The following SARM1 variants were observed in gnomAD, a reference collection of about 807,000 sequenced individuals.
SARM1 encodes the protein sterile alpha and TIR motif containing 1.
SARM1 carries 60 observed loss-of-function variants against 65.1 expected under a neutral mutation model. The observed-to-expected ratio is 0.92, with a 90% confidence interval of 0.75 to 1.14. The LOEUF is 1.14. Ranked by LOEUF, SARM1 falls within the 50% of genes most tolerant of loss-of-function variation. The probability of loss-of-function intolerance (pLI) is 0.00; values close to 1 mark genes in which losing one functional copy is unlikely to be tolerated. For missense variants in SARM1, 913 were observed against 1,015.7 expected, an observed-to-expected ratio of 0.90 and a Z score of 1.37; for synonymous variants, 417 against 465.4, an observed-to-expected ratio of 0.90 and a Z score of 1.34.
intron 5 of SARM1, among the ~76,000 whole-genome samples, chr17:28,387,837 G>C (rs1253228666): frequency 6.6e-6 from 1 of 152,196 alleles, no homozygotes; most frequent in Non-Finnish European, 1.5e-5. Context: ...GTGGGAAATA[G>C]GGAAGAAGGA....
chr17:28,380,681 C>G (rs1555585091), intron 1 of SARM1, among the ~76,000 whole-genome samples: 1 of 152,072 alleles, frequency 6.6e-6, no homozygotes, highest in African/African-American at 2.4e-5. Flanking sequence ...GAGTGGTGTG[C>G]TTCAAGTGAC....
chr17:28,380,052 C>CTT (rs1259475428), intron 1 of SARM1, among the ~76,000 whole-genome samples: 3 of 65,208 alleles, frequency 4.6e-5, no homozygotes, highest in African/African-American at 1.2e-4. Flanking sequence ...TGATTTTTTT[C>CTT]TTTTCTTTTT....
Position 28,400,974 on chromosome 17 carries a change from A to G in SARM1, c.*4688A>G. On this transcript the variant is annotated 3_prime_UTR_variant, in exon 9 of 9. Transcript: ENST00000585482. The stretch of plus-strand genomic sequence containing the variant: ...GCTGGCACAGAGGGGCTACTAAACA[A>G]ATGGCTGCTATTAAATCCACATTAA... The G allele has an allele frequency of 1.7e-6, 1 of 587,028 alleles. No homozygotes were observed. Among genetic ancestry groups the G allele is most frequent in the Non-Finnish European group, 3.1e-6 (1 of 326,358 alleles). The allele number at this position is 587,028 out of a possible 1,614,324, so 36.4% of individuals were successfully genotyped here.
intron 7 of SARM1, among the ~76,000 whole-genome samples, chr17:28,390,970 G>C (rs1305785775): frequency 1.3e-5 from 2 of 152,160 alleles, no homozygotes; most frequent in Non-Finnish European, 2.9e-5. Context: ...AATCAGAAAA[G>C]CTAGGCTTCA....
rs1555589811 is a variant in SARM1 at position 28,402,356 on chromosome 17, G to C, written c.*6070G>C. 1 of 1,582,404 alleles carries C rather than the reference G, an allele frequency of 6.3e-7. No homozygotes were observed. The highest frequency in any genetic ancestry group is 1.1e-5 in the South Asian group (1 of 88,550). On this transcript the variant is annotated 3_prime_UTR_variant, in exon 9 of 9. Transcript: ENST00000585482. The stretch of plus-strand genomic sequence containing the variant: ...AACAAACACTCATCAGGAAAATGGG[G>C]CTGGGGAGAGGGGCGTCCAAGGGAA...
intron 1 of SARM1, chr17:28,374,387 CATGGT>C (rs2067977504): frequency 6.6e-6 from 1 of 151,812 alleles, no homozygotes; most frequent in South Asian, 2.1e-4. Flanking sequence ...ATTAGCCAGG[CATGGT>C]GGTGGTGCGT....
intron 5 of SARM1, among the ~76,000 whole-genome samples, chr17:28,386,867 T>C (rs1330863785): frequency 6.6e-6 from 1 of 152,178 alleles, no homozygotes; most frequent in Non-Finnish European, 1.5e-5. Flanking sequence ...ACCTCCCAAG[T>C]AGCTGGGACC....
rs782575737 is a variant in SARM1, at chr17:28,385,147, A to T, written c.1502A>T (p.Tyr501Phe). Residue 501 changes from tyrosine to phenylalanine, a missense_variant, in exon 5 of 9, where the codon TAC (tyrosine) becomes TTC (phenylalanine). Coordinates refer to ENST00000585482, the MANE Select transcript of SARM1 (RefSeq NM_015077.4). This position sits in a 1 kb window ranked among gnomAD's most constrained non-coding sequence, Gnocchi z 4.5. ...LGSLDPRFRQYTYGLVSCGLD... is the reference protein window; with the variant it reads ...LGSLDPRFRQFTYGLVSCGLD... ...AGCCTGGACCCGCGCTTCCGCCAGT[A>T]CACCTACGGCCTGGTCAGCTGCGGC... 6.2e-7 allele frequency: 1 copy of T among 1,613,260 alleles called. No individual in the cohort carries two copies. Among genetic ancestry groups the T allele is most frequent in the South Asian group, 1.1e-5 (1 of 91,026 alleles).
rs1425038418 is a variant in SARM1, at chr17:28,401,940, T to C, written c.*5654T>C. 4.3e-6 allele frequency: 1 copy of C among 232,738 alleles called. No individual in the cohort carries two copies. Among genetic ancestry groups the C allele is most frequent in the Non-Finnish European group, 8.4e-6 (1 of 119,480 alleles). 14.4% of individuals were successfully genotyped at this position (232,738 alleles called of 1,614,324 possible). A position where few individuals can be genotyped will look rare whatever the true frequency, so the allele number is the denominator to read the frequency against. On this transcript the variant is annotated 3_prime_UTR_variant, in exon 9 of 9. Transcript: ENST00000585482. ...GGGAACTCTGGCATCACCACACCCA[T>C]CTTACAGACGGAAAAGCTGAGGTCT...
chr17:28,383,835 T>A (rs930437932), intron 2 of SARM1, among the ~76,000 whole-genome samples: 1 of 152,108 alleles, frequency 6.6e-6, no homozygotes. Flanking sequence ...GCAGGCTGCA[T>A]GAAGGAGGTG....
At chr17:28,375,770 A>C (rs2067985503) in intron 1 of SARM1, among the ~76,000 whole-genome samples, 1 of 151,988 alleles carries the variant, frequency 6.6e-6, no homozygotes, top group African/African-American at 2.4e-5. Context: ...CAGGAGTTTG[A>C]TTGAGACCAG....
In SARM1 at chr17:28,374,905, G is replaced by A. The variant is rs147687598; in HGVS notation, c.470+2403G>A. Among the ~76,000 whole-genome samples the A allele has an allele frequency of 5.3e-3, 800 of 149,784 alleles. 9 individuals are homozygous for A. The highest frequency in any genetic ancestry group is 0.019 in the African/African-American group (751 of 40,564). On this transcript the variant is annotated intron_variant, in intron 1 of 8. Coordinates refer to ENST00000585482, the MANE Select transcript of SARM1 (RefSeq NM_015077.4). Reference sequence around the variant, plus strand: ...GGAGGATGGCTTGAGCCCAGGAGGCGGAGGTCACAATGAGCTGAGATCATG... The same window carrying A: ...GGAGGATGGCTTGAGCCCAGGAGGCAGAGGTCACAATGAGCTGAGATCATG...
At chr17:28,395,860 T>C in intron 7 of SARM1, 45 bp from the exon 8 acceptor site, 1 of 1,608,878 alleles carries the variant, frequency 6.2e-7, no homozygotes, top group Non-Finnish European at 8.5e-7. Context: ...CAAGGGTCCC[T>C]AGATGGGTAC....
rs2068208513 is a variant in SARM1, at chr17:28,402,404, A to G, written c.*6118A>G. The G allele has an allele frequency of 1.7e-5, 21 of 1,218,408 alleles. No homozygotes were observed. The highest frequency in any genetic ancestry group is 2.4e-5 in the Non-Finnish European group (20 of 843,788). The allele number at this position is 1,218,408 out of a possible 1,614,324, so 75.5% of individuals were successfully genotyped here. On this transcript the variant is annotated 3_prime_UTR_variant, in exon 9 of 9. Transcript: ENST00000585482. ...GAAAGGCAGCAGAGCTCCTATCCAT[A>G]CCCCACGTGGGGCTTAGGTTAGACC...
Position 28,381,565 on chromosome 17 carries a change from C to T in SARM1, c.833C>T (p.Ala278Val), listed in dbSNP as rs1348171410. ...LHACLAVAVL[A>V]TNKEVEREVE... ...GCCTGCCTCGCAGTAGCGGTGTTGG[C>T]GACTAACAAGGAGGTGGAGCGCGAG... The change falls in exon 2 of 9, where the codon GCG becomes GTG. Residue 278 changes from alanine to valine, a missense_variant. By Grantham distance (64) the Ala-to-Val change is moderately conservative. Coordinates refer to ENST00000585482, the MANE Select transcript of SARM1 (RefSeq NM_015077.4). 3 of 1,592,116 alleles carry T rather than the reference C, an allele frequency of 1.9e-6. No homozygotes were observed. The highest frequency in any genetic ancestry group is 8.5e-7 in the Non-Finnish European group (1 of 1,170,594).
rs1173350410 is a variant in SARM1 at position 28,391,725 on chromosome 17, AAAAG to A, written c.1923+3188_1923+3191del. 3.2e-3 allele frequency among the ~76,000 whole-genome samples: 453 copies of A among 139,800 alleles called. 3 individuals are homozygous for A. Among genetic ancestry groups the A allele is most frequent in the African/African-American group, 0.012 (431 of 37,386 alleles). 91.7% of individuals were successfully genotyped at this position (139,800 alleles called of 152,430 possible). ...ATTGCACCAAAAAAAAAAAAAAAAA[AAAAG>A]AGAGAGAGAGAGAGGCTGAGGCTGT... is the stretch of plus-strand genomic sequence containing the variant. On this transcript the variant is annotated intron_variant, in intron 7 of 8. Coordinates refer to ENST00000585482, the MANE Select transcript of SARM1 (RefSeq NM_015077.4).
In SARM1 at chr17:28,399,782, C is replaced by T; in HGVS notation, c.*3496C>T. On this transcript the variant is annotated 3_prime_UTR_variant, in exon 9 of 9. Transcript: ENST00000585482. Reference sequence around the variant, plus strand: ...CCTCAAGGCCTGTCTGGAGAAGTGACACAGGATTTACTGGGGTGGGCTGGT... The same window carrying T: ...CCTCAAGGCCTGTCTGGAGAAGTGATACAGGATTTACTGGGGTGGGCTGGT... The T allele has an allele frequency of 1.3e-6, 2 of 1,561,202 alleles. No individual in the cohort carries two copies. Among genetic ancestry groups the T allele is most frequent in the Non-Finnish European group, 1.8e-6 (2 of 1,132,816 alleles).
chr17:28,399,818 C>T lies in SARM1; in HGVS notation c.*3532C>T. 2.8e-6 allele frequency: 3 copies of T among 1,054,500 alleles called. No homozygotes were observed. Among genetic ancestry groups the T allele is most frequent in the Non-Finnish European group, 4.4e-6 (3 of 679,998 alleles). 65.3% of individuals were successfully genotyped at this position (1,054,500 alleles called of 1,614,324 possible). On this transcript the variant is annotated 3_prime_UTR_variant, in exon 9 of 9. Transcript: ENST00000585482. ...CTGGGGTGGGCTGGTCCAGGTAGCT[C>T]TCCTGAACCTCCTCCTTCCCCAAGC... is the stretch of plus-strand genomic sequence containing the variant.
intron 1 of SARM1, among the ~76,000 whole-genome samples, chr17:28,375,718 C>G (rs948375987): frequency 1.3e-5 from 2 of 152,078 alleles, no homozygotes; most frequent in African/African-American, 4.8e-5. Flanking sequence ...TGCCTGTAAT[C>G]TCAGAACTTT....
Sources: allele counts gnomAD v4.1 joint callset (sites outside exome capture counted in the v4.1 genomes callset), GRCh38; gene constraint gnomAD v4.1.1; non-coding constraint Gnocchi (gnomAD v3.1); transcripts MANE v1.5; gene names NCBI Gene and HGNC (gene_info 2026-07-23, HGNC 2026-07-21).